The following THSD4 variants were observed in gnomAD, a reference collection of about 807,000 sequenced individuals.
The protein encoded by THSD4 is thrombospondin type-1 domain-containing protein 4.
In THSD4, 69 loss-of-function variants were observed where a neutral mutation model predicts 119.0. The observed-to-expected ratio is 0.58, with a 90% CI of 0.48 to 0.71. The LOEUF is 0.71. THSD4 is among the 30% of genes least tolerant of loss of function. The probability of loss-of-function intolerance (pLI) is 0.00; values close to 1 mark genes in which losing one functional copy is unlikely to be tolerated. For synonymous variants in THSD4, 524 were observed against 540.4 expected (o/e 0.97, Z 0.42); for missense variants, 1,393 against 1,391.1 (o/e 1.00, Z -0.02).
chr15:71,407,248 C>T (rs1377358033), intron 6 of THSD4, among the ~76,000 whole-genome samples: 4 of 152,152 alleles, frequency 2.6e-5, no homozygotes, highest in African/African-American at 7.2e-5. Flanking sequence ...GGTTTTAGGT[C>T]TGCTTTCTCC....
In THSD4 at chr15:71,777,719, T is replaced by C; in HGVS notation, c.*345T>C. 3.2e-6 allele frequency: 1 copy of C among 311,536 alleles called. No individual in the cohort carries two copies. 19.3% of individuals were successfully genotyped at this position (311,536 alleles called of 1,614,324 possible). Reference sequence around the variant, plus strand: ...ACCTTCAAGTCAGCAGATGGGCCACTGACTGAGCACTGCCCCGTCCCTGGT... The same window carrying C: ...ACCTTCAAGTCAGCAGATGGGCCACCGACTGAGCACTGCCCCGTCCCTGGT... On this transcript the variant is annotated 3_prime_UTR_variant, in exon 18 of 18. Coordinates refer to ENST00000261862, the MANE Select transcript of THSD4 (RefSeq NM_024817.3).
intron 7 of THSD4, among the ~76,000 whole-genome samples, chr15:71,647,374 A>C (rs909356723): frequency 6.6e-6 from 1 of 152,210 alleles, no homozygotes; most frequent in African/African-American, 2.4e-5. Flanking sequence ...AGTTTGACAG[A>C]TAACCCTGTT....
intron 7 of THSD4, among the ~76,000 whole-genome samples, chr15:71,637,707 A>G (rs1256035999): frequency 6.6e-6 from 1 of 150,620 alleles, no homozygotes; most frequent in Non-Finnish European, 1.5e-5. Context: ...TGGATGGTAG[A>G]GTGATGGTTG....
intron 6 of THSD4, among the ~76,000 whole-genome samples, chr15:71,302,244 C>T (rs2140338803): frequency 6.6e-6 from 1 of 152,150 alleles, no homozygotes; most frequent in East Asian, 1.9e-4. Flanking sequence ...GGTTGGAGAG[C>T]ACACCAGAGG....
chr15:71,367,590 A>G (rs2045982353), intron 6 of THSD4, among the ~76,000 whole-genome samples: 1 of 152,338 alleles, frequency 6.6e-6, no homozygotes, highest in East Asian at 1.9e-4. Flanking sequence ...AGCTTCATCC[A>G]TGTCCCTACA....
Position 71,261,865 on chromosome 15 carries a change from TAGA to T in THSD4, c.1015+5153_1015+5155del, listed in dbSNP as rs200663831. Among the ~76,000 whole-genome samples the T allele has an allele frequency of 1.7e-4, 26 of 152,354 alleles. No homozygotes were observed. The East Asian group carries it at 4.8e-3, about 28-fold the overall frequency. Reference sequence around the variant, plus strand: ...CTGACATTGATATTTTTCACATGCCTAGAAGGAGAGAGGAAGCCTATGGTCACT... The same window carrying T: ...CTGACATTGATATTTTTCACATGCCTAGGAGAGAGGAAGCCTATGGTCACT... On this transcript the variant is annotated intron_variant, in intron 6 of 17. Coordinates refer to ENST00000261862, the MANE Select transcript of THSD4 (RefSeq NM_024817.3).
intron 5 of THSD4, among the ~76,000 whole-genome samples, chr15:71,252,898 G>A (rs1340173702): frequency 7.1e-6 from 1 of 141,426 alleles, no homozygotes; most frequent in Non-Finnish European, 1.5e-5. Context: ...ATCATCATCA[G>A]TCCAGGCTTC....
At chr15:71,512,826 G>C (rs2048302612) in intron 7 of THSD4, among the ~76,000 whole-genome samples, 1 of 152,142 alleles carries the variant, frequency 6.6e-6, no homozygotes, top group African/African-American at 2.4e-5. Flanking sequence ...ATCCATACGA[G>C]AGTAGGGCTT....
rs550486473 is a variant in THSD4 at position 71,366,032 on chromosome 15, A to T, written c.1016-45655A>T. Among the ~76,000 whole-genome samples the T allele has an allele frequency of 5.0e-4, 76 of 152,178 alleles. 1 individual carries two copies. Among genetic ancestry groups the T allele is most frequent in the African/African-American group, 1.8e-3 (73 of 41,526 alleles). On this transcript the variant is annotated intron_variant, in intron 6 of 17. Transcript: ENST00000261862. ...AGGTTCCTTCTTGCTGTCCTTTCAC[A>T]CATCCTCCCTCCTACTTGTGTCCCA...
chr15:71,125,391 C>T (rs1362609144), intron 1 of THSD4, among the ~76,000 whole-genome samples: 1 of 152,194 alleles, frequency 6.6e-6, no homozygotes, highest in Non-Finnish European at 1.5e-5. Flanking sequence ...CCTCTTTTCC[C>T]TTTTCTTTCC....
At chr15:71,503,549 A>C (rs2048144107) in intron 7 of THSD4, among the ~76,000 whole-genome samples, 1 of 152,104 alleles carries the variant, frequency 6.6e-6, no homozygotes, top group Non-Finnish European at 1.5e-5. Flanking sequence ...GAAAAAACAA[A>C]ACAAGTGTCC....
intron 17 of THSD4, among the ~76,000 whole-genome samples, chr15:71,774,049 A>G (rs925063523): frequency 1.3e-5 from 2 of 152,208 alleles, no homozygotes; most frequent in Non-Finnish European, 2.9e-5. Context: ...GCGGTGGCTC[A>G]TACCTGTAGT....
In THSD4 at chr15:71,411,698, C is replaced by T. The variant is rs1164174600; in HGVS notation, c.1027C>T (p.Arg343Cys). Residue 343 changes from arginine to cysteine, a missense_variant, in exon 7 of 18, where the codon CGC (arginine) becomes TGC (cysteine). Coordinates refer to ENST00000261862, the MANE Select transcript of THSD4 (RefSeq NM_024817.3). The part of the protein sequence containing the change: ...WEPFAEVKGN[R>C]KCELNCQAMG... ...TTTTACTTTGGTAGTAAAAGGCAAT[C>T]GCAAATGTGAGTTGAACTGCCAGGC... 4 of 1,613,804 alleles carry T rather than the reference C, an allele frequency of 2.5e-6. No individual in the cohort carries two copies. The highest frequency in any genetic ancestry group is 3.4e-6 in the Non-Finnish European group (4 of 1,179,886).
At chr15:71,673,514 T>C (rs2051576088) in intron 8 of THSD4, among the ~76,000 whole-genome samples, 1 of 152,234 alleles carries the variant, frequency 6.6e-6, no homozygotes, top group Non-Finnish European at 1.5e-5. Flanking sequence ...ATCTTAGTTA[T>C]TTCTTGCCTT....
At chr15:71,407,119 T>C (rs1035696828) in intron 6 of THSD4, among the ~76,000 whole-genome samples, 1 of 152,266 alleles carries the variant, frequency 6.6e-6, no homozygotes, top group African/African-American at 2.4e-5. Context: ...AAAATATTAG[T>C]AGAGCTACTC....
At chr15:71,180,107 C>A in intron 3 of THSD4, among the ~76,000 whole-genome samples, 4 of 123,498 alleles carry the variant, frequency 3.2e-5, no homozygotes, top group Non-Finnish European at 4.9e-5. Flanking sequence ...CTAACCTGCA[C>A]AATGTGCACA....
At chr15:71,232,586 G>A (rs1466896257) in intron 4 of THSD4, among the ~76,000 whole-genome samples, 1 of 152,034 alleles carries the variant, frequency 6.6e-6, no homozygotes, top group Admixed American at 6.5e-5. Context: ...GGTAGGGTAG[G>A]GTTCCAGGAG....
At chr15:71,620,140 C>G (rs2050394863) in intron 7 of THSD4, among the ~76,000 whole-genome samples, 1 of 152,192 alleles carries the variant, frequency 6.6e-6, no homozygotes, top group South Asian at 2.1e-4. Flanking sequence ...GCTTCAGAGC[C>G]TAGCTCAGCC....
intron 6 of THSD4, among the ~76,000 whole-genome samples, chr15:71,297,315 C>CTTCTTTTT (rs1555461743): frequency 7.3e-5 from 10 of 137,660 alleles, no homozygotes; most frequent in Non-Finnish European, 1.1e-4. Flanking sequence ...CTCTCCTCTT[C>CTTCTTTTT]TTTTTTTTGT....
Sources: gnomAD v4.1 joint callset for allele counts (sites outside exome capture counted in the v4.1 genomes callset) on GRCh38, gnomAD v4.1.1 for gene constraint, MANE v1.5 for transcripts, NCBI Gene and HGNC (gene_info 2026-07-23, HGNC 2026-07-21) for gene names.